Variants in GHR observed in about 807,000 individuals in gnomAD.
GHR encodes growth hormone receptor.
In GHR, 35 loss-of-function variants were observed where a neutral mutation model predicts 67.1. The observed-to-expected ratio is 0.52, with a 90% CI of 0.40 to 0.69. GHR has a LOEUF of 0.69. GHR is among the 30% of genes least tolerant of loss of function. The pLI is 0.00. For synonymous variants in GHR, 272 were observed against 269.1 expected (o/e 1.01, Z -0.10); for missense variants, 792 against 764.6 (o/e 1.04, Z -0.42).
At chr5:42,648,341 G>C (rs1754847758) in intron 3 of GHR, among the ~76,000 whole-genome samples, 2 of 152,180 alleles carry the variant, frequency 1.3e-5, no homozygotes, top group African/African-American at 4.8e-5. Flanking sequence ...GGGAATCCCT[G>C]TCACGTACCC....
In GHR at chr5:42,649,480, A is replaced by C. The variant is rs181077989; in HGVS notation, c.136+20377A>C. Among the ~76,000 whole-genome samples, 42 of 152,310 alleles carry C rather than the reference A, an allele frequency of 2.8e-4. 1 individual carries two copies. The highest frequency in any genetic ancestry group is 9.4e-4 in the African/African-American group (39 of 41,592). On this transcript the variant is annotated intron_variant, in intron 3 of 9. Transcript: ENST00000230882. ...ATTTGAGAAAAATAAACTGAAGATA[A>C]ATATTAATTATTAAAAGAGAAAATT...
chr5:42,477,165 G>C (rs1308700311), intron 1 of GHR, among the ~76,000 whole-genome samples: 1 of 151,666 alleles, frequency 6.6e-6, no homozygotes, highest in Non-Finnish European at 1.5e-5. Flanking sequence ...ACTTTGCTGA[G>C]AATGATGGTT....
chr5:42,589,589 T>C (rs1343351233), intron 2 of GHR, among the ~76,000 whole-genome samples: 1 of 152,234 alleles, frequency 6.6e-6, no homozygotes, highest in African/African-American at 2.4e-5. Flanking sequence ...TATTGTGTCA[T>C]CTTGAAAAAA....
At chr5:42,561,444 G>C (rs2112458209) in intron 1 of GHR, among the ~76,000 whole-genome samples, 1 of 152,248 alleles carries the variant, frequency 6.6e-6, no homozygotes, top group African/African-American at 2.4e-5. Flanking sequence ...TGTTTTCTTT[G>C]CCTGGAGTTG....
intron 7 of GHR, among the ~76,000 whole-genome samples, 166 bp from the exon 8 acceptor site, chr5:42,713,263 G>GA (rs1003524467): frequency 1.3e-5 from 2 of 151,878 alleles, no homozygotes; most frequent in Non-Finnish European, 2.9e-5. Context: ...TCATAAAACA[G>GA]AAAAAAACTA....
chr5:42,436,749 A>G (rs1437694974), intron 1 of GHR, among the ~76,000 whole-genome samples: 2 of 152,174 alleles, frequency 1.3e-5, no homozygotes, highest in East Asian at 1.9e-4. Context: ...TAAGTGTTAC[A>G]TGAGGGATGT....
rs562598340 is a variant in GHR, at chr5:42,549,062, T to A, written c.-11-16802T>A. 2.1e-4 allele frequency among the ~76,000 whole-genome samples: 32 copies of A among 152,354 alleles called. 1 individual carries two copies. The East Asian group carries it at 3.1e-3, about 15-fold the overall frequency. On this transcript the variant is annotated intron_variant, in intron 1 of 9. Coordinates refer to ENST00000230882, the MANE Select transcript of GHR (RefSeq NM_000163.5). ...ACCACAATTGCATGTTTATTTTGCATCTTTAGTCTGAGAGATGGTCAGTAC... is the reference window on the plus strand; with the variant it reads ...ACCACAATTGCATGTTTATTTTGCAACTTTAGTCTGAGAGATGGTCAGTAC...
At chr5:42,531,041 G>A (rs1229129484) in intron 1 of GHR, among the ~76,000 whole-genome samples, 1 of 152,210 alleles carries the variant, frequency 6.6e-6, no homozygotes, top group Non-Finnish European at 1.5e-5. Flanking sequence ...GCCAAGGTGG[G>A]TGGATCACCT....
chr5:42,593,124 T>C (rs1186493889), intron 2 of GHR, among the ~76,000 whole-genome samples: 1 of 152,232 alleles, frequency 6.6e-6, no homozygotes, highest in East Asian at 1.9e-4. Context: ...CAATAATCGA[T>C]TTTTTAAAAA....
intron 3 of GHR, among the ~76,000 whole-genome samples, chr5:42,680,724 C>T (rs1756819966): frequency 6.6e-6 from 1 of 151,932 alleles, no homozygotes; most frequent in South Asian, 2.1e-4. Context: ...AGGCTGGCCT[C>T]GAACTCCTGG....
chr5:42,458,013 T>C (rs961914320), intron 1 of GHR, among the ~76,000 whole-genome samples: 7 of 152,222 alleles, frequency 4.6e-5, no homozygotes, highest in Non-Finnish European at 7.4e-5. Context: ...TCCTTTTTCC[T>C]AGAAGATACC....
intron 1 of GHR, among the ~76,000 whole-genome samples, chr5:42,481,022 G>T (rs531959618): frequency 4.6e-5 from 7 of 152,170 alleles, no homozygotes; most frequent in Non-Finnish European, 8.8e-5. Context: ...GCAGTGGCTG[G>T]TACCGGTTGT....
intron 1 of GHR, among the ~76,000 whole-genome samples, chr5:42,521,225 A>T (rs13189275): frequency 6.6e-6 from 1 of 152,000 alleles, no homozygotes; most frequent in Admixed American, 6.6e-5. Flanking sequence ...CAAGAATCAT[A>T]GGCTGTTCTT....
At chr5:42,603,232 T>G (rs899743200) in intron 2 of GHR, among the ~76,000 whole-genome samples, 1 of 152,146 alleles carries the variant, frequency 6.6e-6, no homozygotes, top group African/African-American at 2.4e-5. Flanking sequence ...CTGATAATAC[T>G]ACAGAGATTT....
intron 1 of GHR, among the ~76,000 whole-genome samples, chr5:42,441,135 A>T (rs898174401): frequency 3.9e-5 from 6 of 152,182 alleles, no homozygotes; most frequent in African/African-American, 1.4e-4. Flanking sequence ...GAGAGAAGAA[A>T]GCATAAGTCT....
At chr5:42,437,062 A>T (rs1743357825) in intron 1 of GHR, among the ~76,000 whole-genome samples, 1 of 152,202 alleles carries the variant, frequency 6.6e-6, no homozygotes, top group South Asian at 2.1e-4. Context: ...TCTATGTAAA[A>T]CACAAATTAT....
intron 2 of GHR, among the ~76,000 whole-genome samples, chr5:42,568,084 C>T (rs1275652945): frequency 6.6e-6 from 1 of 152,082 alleles, no homozygotes; most frequent in Non-Finnish European, 1.5e-5. Flanking sequence ...GGTAAGTGAT[C>T]TTGGAAGCAT....
At chr5:42,687,788 A>T (rs1469688311) in intron 3 of GHR, among the ~76,000 whole-genome samples, 2 of 152,212 alleles carry the variant, frequency 1.3e-5, no homozygotes, top group Non-Finnish European at 2.9e-5. Context: ...TAACCCAGGA[A>T]TGAGAGTTTT....
chr5:42,516,580 A>G (rs979698174), intron 1 of GHR, among the ~76,000 whole-genome samples: 3 of 152,206 alleles, frequency 2.0e-5, no homozygotes, highest in African/African-American at 4.8e-5. Context: ...CCTGGAGAGA[A>G]AGTAGGGAAG....
Sources: allele counts gnomAD v4.1 joint callset (sites outside exome capture counted in the v4.1 genomes callset), GRCh38; gene constraint gnomAD v4.1.1; transcripts MANE v1.5; gene names NCBI Gene and HGNC (gene_info 2026-07-23, HGNC 2026-07-21).